SASH1: variants seen among roughly 807,000 people sequenced by gnomAD.
SASH1 encodes SAM and SH3 domain-containing protein 1.
Under a neutral mutation model 125.2 loss-of-function variants are expected in SASH1, and 44 were observed. The observed-to-expected ratio is 0.35, with a 90% CI of 0.28 to 0.45. The LOEUF is 0.45. Among genes scored for constraint, SASH1 ranks in the 20% least tolerant of loss-of-function variants. The pLI is 1.00. For missense variants in SASH1, 1,426 were observed against 1,614.5 expected (o/e 0.88, Z 2.00); for synonymous variants, 639 against 649.1 (o/e 0.98, Z 0.24).
chr6:148,319,191 T>C (rs899162114), intron 1 of SASH1, among the ~76,000 whole-genome samples: 6 of 151,290 alleles, frequency 4.0e-5, no homozygotes, highest in Admixed American at 1.3e-4. Flanking sequence ...CACCACCACG[T>C]CCGGCTAATT....
At chr6:148,206,604 A>C in the SASH1 span, among the ~76,000 whole-genome samples, 1 of 152,044 alleles carries the variant, frequency 6.6e-6, no homozygotes, top group Non-Finnish European at 1.5e-5. Context: ...AACCTGGCCA[A>C]CATGGTGAAA....
intron 2 of SASH1, among the ~76,000 whole-genome samples, chr6:148,435,740 G>A (rs975303304): frequency 1.3e-5 from 2 of 152,110 alleles, no homozygotes; most frequent in Non-Finnish European, 2.9e-5. Flanking sequence ...AAGGTATAGA[G>A]GAAACAAAAT....
intron 2 of SASH1, among the ~76,000 whole-genome samples, chr6:148,423,021 C>T (rs1268547311): frequency 6.6e-6 from 1 of 152,212 alleles, no homozygotes; most frequent in East Asian, 1.9e-4. Flanking sequence ...TTACTGCAAC[C>T]TCTGCCTCCC....
chr6:148,278,993 CTT>C (rs1002394114), intron 1 of SASH1, among the ~76,000 whole-genome samples: 2 of 144,102 alleles, frequency 1.4e-5, no homozygotes, highest in Admixed American at 7.0e-5. Context: ...GCAAATGAAT[CTT>C]TTTTTTTTTT....
intron 7 of SASH1, among the ~76,000 whole-genome samples, chr6:148,477,404 A>T (rs1778411508): frequency 6.6e-6 from 1 of 152,252 alleles, no homozygotes; most frequent in Non-Finnish European, 1.5e-5. Flanking sequence ...AAATAGAGAA[A>T]GTATCTGAAT....
chr6:148,305,639 A>G (rs1399738265), intron 1 of SASH1, among the ~76,000 whole-genome samples: 4 of 150,646 alleles, frequency 2.7e-5, no homozygotes, highest in African/African-American at 7.3e-5. Context: ...AAAAAAAAAA[A>G]AAAAAGAAAG....
the SASH1 span, among the ~76,000 whole-genome samples, chr6:148,253,751 AGTCC>A: frequency 6.6e-6 from 1 of 152,170 alleles, no homozygotes; most frequent in South Asian, 2.1e-4. Flanking sequence ...ACGTGCCTGT[AGTCC>A]CAGCTACTGG....
intron 4 of SASH1, among the ~76,000 whole-genome samples, chr6:148,442,192 G>C (rs1221343279): frequency 6.6e-6 from 1 of 152,048 alleles, no homozygotes. Flanking sequence ...TTTGAGATCA[G>C]CCTGGGCAAC....
chr6:148,506,851 G>C (rs185922577), intron 8 of SASH1, among the ~76,000 whole-genome samples: 3 of 152,292 alleles, frequency 2.0e-5, no homozygotes, highest in Admixed American at 1.3e-4. Context: ...ATGAAGAAAG[G>C]TCTTGTTGAG....
intron 2 of SASH1, among the ~76,000 whole-genome samples, chr6:148,417,818 C>T (rs1042755961): frequency 6.6e-6 from 1 of 151,866 alleles, no homozygotes; most frequent in Admixed American, 6.6e-5. Context: ...TGTATGGCAC[C>T]CAGTTAGCAT....
intron 1 of SASH1, among the ~76,000 whole-genome samples, chr6:148,327,939 TA>T (rs569288406): frequency 0.3 from 36,576 of 121,010 alleles, 4,966 homozygotes; most frequent in African/African-American, 0.4. Context: ...AGACTCTGTC[TA>T]AAAAAAAAAA....
chr6:148,470,062 A>G (rs1251441863), intron 5 of SASH1, among the ~76,000 whole-genome samples: 5 of 151,952 alleles, frequency 3.3e-5, no homozygotes, highest in Non-Finnish European at 5.9e-5. Flanking sequence ...GAAAGAAAAG[A>G]AAAAAGAAAG....
intron 1 of SASH1, among the ~76,000 whole-genome samples, chr6:148,291,491 G>C (rs1398495302): frequency 1.3e-5 from 2 of 152,080 alleles, no homozygotes; most frequent in Non-Finnish European, 2.9e-5. Flanking sequence ...GACCAGCCTG[G>C]CCAATGTGAC....
chr6:148,205,732 C>A, the SASH1 span, among the ~76,000 whole-genome samples: 1 of 152,188 alleles, frequency 6.6e-6, no homozygotes, highest in African/African-American at 2.4e-5. Context: ...ATCCAACTAT[C>A]CTAACCCTGC....
the SASH1 span, among the ~76,000 whole-genome samples, chr6:148,261,907 C>T: frequency 6.6e-6 from 1 of 152,162 alleles, no homozygotes; most frequent in Admixed American, 6.5e-5. Flanking sequence ...TGGAAAAGGA[C>T]ATCCATTTGT....
chr6:148,527,994 G>A (rs966631954), intron 12 of SASH1, among the ~76,000 whole-genome samples: 5 of 141,944 alleles, frequency 3.5e-5, no homozygotes, highest in South Asian at 2.2e-4. Flanking sequence ...TTTTTGGGGG[G>A]GGGGGTGGCA....
intron 1 of SASH1, among the ~76,000 whole-genome samples, chr6:148,324,085 A>G (rs1447598720): frequency 8.1e-6 from 1 of 123,356 alleles, no homozygotes; most frequent in African/African-American, 3.1e-5. Context: ...ATGCCACTGC[A>G]CGCCAGCGTG....
At chr6:148,460,523 A>G (rs1777567150) in intron 4 of SASH1, among the ~76,000 whole-genome samples, 1 of 152,132 alleles carries the variant, frequency 6.6e-6, no homozygotes, top group African/African-American at 2.4e-5. Context: ...TTTCTTTCGG[A>G]GAGTTAATGT....
rs201846915 is a variant in SASH1, at chr6:148,503,118, AG to A, written c.730-11204del. On this transcript the variant is annotated intron_variant, in intron 8 of 19. Coordinates refer to ENST00000367467, the MANE Select transcript of SASH1 (RefSeq NM_015278.5). ...ATTCATTCATTTGTTCATTTCAATC[AG>A]GAAATATCTGTTTAGCACAAACATA... Among the ~76,000 whole-genome samples the A allele has an allele frequency of 5.8e-4, 88 of 152,312 alleles. 1 individual carries two copies. The East Asian group carries it at 0.016, about 28-fold the overall frequency.
Sources: allele counts gnomAD v4.1 joint callset (sites outside exome capture counted in the v4.1 genomes callset), GRCh38; gene constraint gnomAD v4.1.1; transcripts MANE v1.5; gene names NCBI Gene and HGNC (gene_info 2026-07-23, HGNC 2026-07-21).